HTRA1: variants seen among roughly 807,000 people sequenced by gnomAD.
HTRA1 encodes serine protease HTRA1.
A neutral mutation model predicts 49.7 loss-of-function variants in HTRA1; 26 were observed. The ratio of observed to expected loss-of-function variants is 0.52; its 90% CI spans 0.38 to 0.73. The LOEUF is 0.73. HTRA1 is among the 30% of genes least tolerant of loss of function. The pLI is 0.00. For synonymous variants in HTRA1, 291 were observed against 286.9 expected, an observed-to-expected ratio of 1.01 and a Z score of -0.14; for missense variants, 561 against 667.2, an observed-to-expected ratio of 0.84 and a Z score of 1.75.
At position 122,464,530 on chromosome 10, in the gene HTRA1, G is replaced by A. The variant is rs528763795; in HGVS notation, c.472+2406G>A. Among the ~76,000 whole-genome samples, 3 of 152,314 alleles carry A rather than the reference G, an allele frequency of 2.0e-5. No homozygotes were observed. The highest frequency in any genetic ancestry group is 2.1e-4 in the South Asian group (1 of 4,822). ...CTGGCACATCGGAGGTACTTGGTAC[G>A]AGTGGATTAGTGAATGAATAAATGA... On this transcript the variant is annotated intron_variant, in intron 1 of 8. Coordinates refer to ENST00000368984, the MANE Select transcript of HTRA1 (RefSeq NM_002775.5). This position sits in a 1 kb window ranked among gnomAD's most constrained non-coding sequence, Gnocchi z 4.8.
chr10:122,477,184 G>C (rs1485300978), intron 1 of HTRA1, among the ~76,000 whole-genome samples: 4 of 151,992 alleles, frequency 2.6e-5, no homozygotes, highest in Non-Finnish European at 5.9e-5. Context: ...AGCCAGGACG[G>C]TCTCGATCTC....
chr10:122,512,825 A>G (rs1044320152), intron 8 of HTRA1, among the ~76,000 whole-genome samples: 1 of 152,080 alleles, frequency 6.6e-6, no homozygotes, highest in African/African-American at 2.4e-5. Context: ...ACTGAACCCA[A>G]TTTGTAGTCT....
At chr10:122,502,807 C>T (rs959274937) in intron 3 of HTRA1, among the ~76,000 whole-genome samples, 8 of 152,194 alleles carry the variant, frequency 5.3e-5, no homozygotes, top group Non-Finnish European at 7.3e-5. Context: ...CTGAGATCTC[C>T]GCCTGGGCTC....
chr10:122,482,941 A>G (rs1265575075), intron 1 of HTRA1, among the ~76,000 whole-genome samples: 3 of 139,592 alleles, frequency 2.1e-5, no homozygotes, highest in Admixed American at 7.3e-5. Context: ...AAAAAAAAAA[A>G]GCACATATTC....
intron 3 of HTRA1, among the ~76,000 whole-genome samples, chr10:122,497,818 C>T (rs1215777510): frequency 6.6e-6 from 1 of 152,116 alleles, no homozygotes; most frequent in African/African-American, 2.4e-5. Flanking sequence ...CTGCCATGGC[C>T]ACATGCTGTT....
chr10:122,491,759 A>C (rs2097495965), intron 3 of HTRA1, among the ~76,000 whole-genome samples: 1 of 152,208 alleles, frequency 6.6e-6, no homozygotes, highest in African/African-American at 2.4e-5. Context: ...AGCCAGCAGC[A>C]TGCTGTTTGA....
chr10:122,512,178 G>A, intron 8 of HTRA1, 113 bp downstream of exon 8: 1 of 854,942 alleles, frequency 1.2e-6, no homozygotes, highest in Non-Finnish European at 2.0e-6. Flanking sequence ...GTTGATCCTT[G>A]ACAGACGTGG....
chr10:122,470,870 C>T (rs1480465182), intron 1 of HTRA1, among the ~76,000 whole-genome samples: 3 of 152,042 alleles, frequency 2.0e-5, no homozygotes, highest in African/African-American at 7.2e-5. Context: ...AAGCATGGGT[C>T]TCCTCTGGGC....
At chr10:122,462,284 G>T (rs1383338454) in intron 1 of HTRA1, among the ~76,000 whole-genome samples, 160 bp downstream of exon 1, 1 of 152,236 alleles carries the variant, frequency 6.6e-6, no homozygotes, top group Non-Finnish European at 1.5e-5. Context: ...GCGGATTTCC[G>T]CGGGCTGCCT....
rs774573005 is a variant in HTRA1, at chr10:122,510,165, G to A, written c.1178+12G>A. 151 of 1,610,214 alleles carry A rather than the reference G, an allele frequency of 9.4e-5. No homozygotes were observed. The highest frequency in any genetic ancestry group is 1.3e-4 in the Non-Finnish European group (148 of 1,176,430). Reference sequence around the variant, plus strand: ...TCACTCACGTCCAGGTGGGTAAACAGGATGCGTGTCTGTGTCTTAAATTTT... The same window carrying A: ...TCACTCACGTCCAGGTGGGTAAACAAGATGCGTGTCTGTGTCTTAAATTTT... On this transcript the variant is annotated intron_variant, in intron 7 of 8. Coordinates refer to ENST00000368984, the MANE Select transcript of HTRA1 (RefSeq NM_002775.5).
intron 3 of HTRA1, among the ~76,000 whole-genome samples, chr10:122,500,505 G>A (rs1300522106): frequency 6.6e-6 from 1 of 152,184 alleles, no homozygotes; most frequent in Non-Finnish European, 1.5e-5. Flanking sequence ...CTAATCAAGT[G>A]GTTCAAGGTT....
intron 1 of HTRA1, among the ~76,000 whole-genome samples, chr10:122,463,867 C>G (rs537519960): frequency 6.6e-6 from 1 of 152,302 alleles, no homozygotes; most frequent in Non-Finnish European, 1.5e-5. Context: ...ACAGCATACA[C>G]AAAGCCTAAG....
intron 1 of HTRA1, among the ~76,000 whole-genome samples, chr10:122,469,601 C>T (rs1224115643): frequency 6.6e-6 from 1 of 152,230 alleles, no homozygotes; most frequent in Non-Finnish European, 1.5e-5. Context: ...ACTGGGTGCT[C>T]TGTGGGAGCT....
At chr10:122,513,252 C>T (rs576003482) in intron 8 of HTRA1, among the ~76,000 whole-genome samples, 5 of 152,260 alleles carry the variant, frequency 3.3e-5, no homozygotes, top group African/African-American at 4.8e-5. Context: ...AAGGAAGTGC[C>T]TCTTAACAGA....
At chr10:122,505,215 G>A (rs951272286) in intron 3 of HTRA1, among the ~76,000 whole-genome samples, 9 of 152,112 alleles carry the variant, frequency 5.9e-5, no homozygotes, top group Non-Finnish European at 1.0e-4. Flanking sequence ...TCTAAATCAC[G>A]CAGCCTGGCC....
chr10:122,462,352 C>G (rs2133905773), intron 1 of HTRA1, among the ~76,000 whole-genome samples: 1 of 152,380 alleles, frequency 6.6e-6, no homozygotes, highest in Non-Finnish European at 1.5e-5. Flanking sequence ...GATGCCAGTA[C>G]GCCCGGCCTG....
intron 3 of HTRA1, among the ~76,000 whole-genome samples, chr10:122,496,201 C>G (rs1180407017): frequency 8.0e-6 from 1 of 124,766 alleles, no homozygotes; most frequent in East Asian, 2.7e-4. Context: ...TTTTGTTTGC[C>G]CTTTCGTTTG....
chr10:122,474,002 C>G (rs772412978), intron 1 of HTRA1, among the ~76,000 whole-genome samples: 12 of 152,134 alleles, frequency 7.9e-5, no homozygotes, highest in South Asian at 2.1e-4. Context: ...CTAATTTCAG[C>G]CTGGAAAGTC....
rs148200348 is a variant in HTRA1 at position 122,468,402 on chromosome 10, GTCATCATCATCA to G, written c.472+6308_472+6319del. 2.8e-3 allele frequency among the ~76,000 whole-genome samples: 412 copies of G among 148,654 alleles called. 1 individual carries two copies. Among genetic ancestry groups the G allele is most frequent in the African/African-American group, 5.2e-3 (210 of 40,156 alleles). The stretch of plus-strand genomic sequence containing the variant: ...CAGGCAATATTAGCGTGTTGTCATT[GTCATCATCATCA>G]TCATCATCATCATCATCATCATCAT... On this transcript the variant is annotated intron_variant, in intron 1 of 8. Transcript: ENST00000368984.
Sources: allele counts gnomAD v4.1 joint callset (sites outside exome capture counted in the v4.1 genomes callset), GRCh38; gene constraint gnomAD v4.1.1; non-coding constraint Gnocchi (gnomAD v3.1); transcripts MANE v1.5; gene names NCBI Gene and HGNC (gene_info 2026-07-23, HGNC 2026-07-21).